MROH1: variants seen among roughly 807,000 people sequenced by gnomAD.
The protein encoded by MROH1 is maestro heat-like repeat-containing protein family member 1.
MROH1 carries 117 observed loss-of-function variants against 116.5 expected under a neutral mutation model. That is an observed-to-expected ratio of 1.00 (90% CI 0.86 to 1.17). The LOEUF (loss-of-function observed/expected upper bound fraction) is 1.17. MROH1 is among the 50% of genes most tolerant of loss of function. The pLI is 0.00. For synonymous variants in MROH1, 921 were observed against 583.9 expected (o/e 1.58, Z -8.32); for missense variants, 1,873 against 1,338.5 (o/e 1.40, Z -6.23).
chr8:144,200,397 T>G, intron 11 of MROH1, 31 bp from the exon 12 acceptor site: 4 of 1,499,202 alleles, frequency 2.7e-6, no homozygotes, highest in Non-Finnish European at 3.6e-6. Flanking sequence ...CAAGATGACA[T>G]GGAGCCTAAT....
chr8:144,217,691 C>T (rs1397457092), intron 12 of MROH1, among the ~76,000 whole-genome samples: 1 of 152,212 alleles, frequency 6.6e-6, no homozygotes, highest in Non-Finnish European at 1.5e-5. Context: ...ACAGCCTCTG[C>T]CTCCCGGCTT....
At position 144,180,421 on chromosome 8, in the gene MROH1, A is replaced by T. The variant is rs746322719; in HGVS notation, c.464-4A>T. 6.8e-5 allele frequency: 110 copies of T among 1,612,672 alleles called. No homozygotes were observed. The highest frequency in any genetic ancestry group is 9.2e-5 in the Non-Finnish European group (109 of 1,179,704). ...GAGGCCTTTGACGGTGTCCTCTCTC[A>T]CAGCGTTCGGCGTAGTCCCCTTCCT... is the stretch of plus-strand genomic sequence containing the variant. On this transcript the variant is annotated splice_region_variant and splice_polypyrimidine_tract_variant and intron_variant, in intron 6 of 43. Transcript: ENST00000326134. The surrounding 1 kb of genome is among the most constrained non-coding windows in gnomAD (Gnocchi z 7.4).
chr8:144,195,425 C>T lies in MROH1; in HGVS notation c.948+3024C>T, dbSNP rs1309071036. 2.0e-5 allele frequency among the ~76,000 whole-genome samples: 3 copies of T among 147,220 alleles called. No individual in the cohort carries two copies. In the East Asian group the frequency reaches 6.3e-4, roughly 31 times the overall value. On this transcript the variant is annotated intron_variant, in intron 10 of 43. Coordinates refer to ENST00000326134, the MANE Select transcript of MROH1 (RefSeq NM_032450.3). ...GCTGAGGCAGGAGAATGGCATGAAC[C>T]CTGGAGGGAGAGCTTGCAGTGAGCT...
At position 144,240,680 on chromosome 8, in the gene MROH1, G is replaced by A. The variant is rs1322820130; in HGVS notation, c.1935+3G>A. ...ACGATGAGGCACCCCAGGAGAAGGTGGGGCACCTGCTGGCGTTCTTGGTGT... is the reference window on the plus strand; with the variant it reads ...ACGATGAGGCACCCCAGGAGAAGGTAGGGCACCTGCTGGCGTTCTTGGTGT... On this transcript the variant is annotated splice_donor_region_variant and intron_variant, in intron 20 of 43. Coordinates refer to ENST00000326134, the MANE Select transcript of MROH1 (RefSeq NM_032450.3). The A allele has an allele frequency of 2.8e-6, 2 of 716,128 alleles. No homozygotes were observed. The highest frequency in any genetic ancestry group is 3.5e-5 in the African/African-American group (2 of 57,350). The allele number at this position is 716,128 out of a possible 1,614,324, so 44.4% of individuals were successfully genotyped here.
At chr8:144,224,412 T>A (rs1409291655) in intron 14 of MROH1, among the ~76,000 whole-genome samples, 1 of 151,930 alleles carries the variant, frequency 6.6e-6, no homozygotes, top group African/African-American at 2.4e-5. Context: ...GACTACAGGC[T>A]CATGCCACCA....
In MROH1 at chr8:144,163,176, T is replaced by G. The variant is rs138916323; in HGVS notation, c.-56-595T>G. On this transcript the variant is annotated intron_variant, in intron 2 of 43. Transcript: ENST00000326134. The surrounding 1 kb of genome is among the most constrained non-coding windows in gnomAD (Gnocchi z 4.4). ...GTGGATGGGAGGTGATCAAGGGAATTAAGGGGCTGGTGGGAGACTCAGAGA... is the reference window on the plus strand; with the variant it reads ...GTGGATGGGAGGTGATCAAGGGAATGAAGGGGCTGGTGGGAGACTCAGAGA... 6.6e-3 allele frequency among the ~76,000 whole-genome samples: 1,002 copies of G among 152,194 alleles called. 7 individuals are homozygous for G. The highest frequency in any genetic ancestry group is 0.023 in the African/African-American group (959 of 41,528).
At chr8:144,257,584 C>T (rs1259154698) in intron 35 of MROH1, among the ~76,000 whole-genome samples, 3 of 152,220 alleles carry the variant, frequency 2.0e-5, no homozygotes, top group Non-Finnish European at 2.9e-5. Flanking sequence ...CCTGTGCCCA[C>T]CACACCCTCC....
At chr8:144,158,691 A>C (rs1259025118) in intron 1 of MROH1, among the ~76,000 whole-genome samples, 3 of 151,748 alleles carry the variant, frequency 2.0e-5, no homozygotes, top group Non-Finnish European at 4.4e-5. Flanking sequence ...GATATATTTA[A>C]TTCCACTGTG....
At chr8:144,164,726 C>A (rs376488623) in intron 3 of MROH1, among the ~76,000 whole-genome samples, 4 of 152,096 alleles carry the variant, frequency 2.6e-5, no homozygotes, top group African/African-American at 7.2e-5. Flanking sequence ...AACATGCTCT[C>A]TCCAGGTTTT....
chr8:144,177,375 G>A (rs1024316203), intron 4 of MROH1, among the ~76,000 whole-genome samples: 2 of 152,250 alleles, frequency 1.3e-5, no homozygotes, highest in African/African-American at 2.4e-5. Flanking sequence ...AAGTGGCTGG[G>A]TGTCAACTTC....
Position 144,168,213 on chromosome 8 carries a change from G to A in MROH1, c.23-82G>A. The A allele has an allele frequency of 4.2e-6, 6 of 1,423,154 alleles. No individual in the cohort carries two copies. The South Asian group carries it at 8.4e-5, about 20-fold the overall frequency. 88.2% of individuals were successfully genotyped at this position (1,423,154 alleles called of 1,614,324 possible). A position where few individuals can be genotyped will look rare whatever the true frequency, so the allele number is the denominator to read the frequency against. ...TGTGATCCTCAGAGGCTGCAGGTGT[G>A]TCCACTGCAGGAGTGGCAGCCGAGG... On this transcript the variant is annotated intron_variant, in intron 3 of 43. Coordinates refer to ENST00000326134, the MANE Select transcript of MROH1 (RefSeq NM_032450.3).
chr8:144,167,468 G>T (rs1455625158), intron 3 of MROH1, among the ~76,000 whole-genome samples: 1 of 130,104 alleles, frequency 7.7e-6, no homozygotes, highest in Admixed American at 7.5e-5. Flanking sequence ...GGAGTGGCCA[G>T]TTGGGGTGGA....
chr8:144,239,819 G>A (rs1422786789), intron 18 of MROH1, 64 bp downstream of exon 18: 1 of 708,666 alleles, frequency 1.4e-6, no homozygotes, highest in Non-Finnish European at 2.6e-6. Flanking sequence ...GAGTAGGAGG[G>A]TGCTAGCTCT....
chr8:144,241,430 C>T lies in MROH1; in HGVS notation c.2091C>T (p.Ser697=). 1 of 778,616 alleles carries T rather than the reference C, an allele frequency of 1.3e-6. No homozygotes were observed. Among genetic ancestry groups the T allele is most frequent in the South Asian group, 1.3e-5 (1 of 74,522 alleles). 48.2% of individuals were successfully genotyped at this position (778,616 alleles called of 1,614,324 possible). ...LACCFGICAI[S]HLEDTLAQLE... ...GCTGCTTCGGGATCTGTGCCATCTC[C>T]CACCTCGAGGACACGCTGGCCCAGC... The change falls in exon 22 of 44, where the codon TCC becomes TCT. Residue 697 remains serine (S), a synonymous_variant. Coordinates refer to ENST00000326134, the MANE Select transcript of MROH1 (RefSeq NM_032450.3).
chr8:144,209,589 AAAG>A (rs1294027958), intron 12 of MROH1, among the ~76,000 whole-genome samples: 2,200 of 150,602 alleles, frequency 0.015, 48 homozygotes, highest in African/African-American at 0.049. Flanking sequence ...AAAAAAAAAA[AAAG>A]AAAAAAGAAA....
rs1181062833 is a variant in MROH1 at position 144,223,205 on chromosome 8, A to G, written c.1313A>G (p.Gln438Arg). The G allele has an allele frequency of 1.2e-6, 2 of 1,609,104 alleles. No individual in the cohort carries two copies. The highest frequency in any genetic ancestry group is 3.4e-5 in the Admixed American group (2 of 59,168). Residue 438 changes from glutamine (Q) to arginine (R), a missense_variant, in exon 14 of 44, where the codon CAG (glutamine) becomes CGG (arginine). Coordinates refer to ENST00000326134, the MANE Select transcript of MROH1 (RefSeq NM_032450.3). The part of the protein sequence containing the change: ...GEAMIEYIVQ[Q>R]CALPPEQEPE... ...GCGATGATCGAGTACATCGTGCAGC[A>G]GTGCGCGCTGCCCCCCGAGCAGGAG...
At chr8:144,224,279 A>C (rs2132461236) in intron 14 of MROH1, among the ~76,000 whole-genome samples, 1 of 152,232 alleles carries the variant, frequency 6.6e-6, no homozygotes, top group South Asian at 2.1e-4. Flanking sequence ...AATAATTATT[A>C]TTATTTTTGA....
rs141594386 is a variant in MROH1, at chr8:144,160,421, C to T, written c.-176-549C>T. On this transcript the variant is annotated intron_variant, in intron 1 of 43. Coordinates refer to ENST00000326134, the MANE Select transcript of MROH1 (RefSeq NM_032450.3). The stretch of plus-strand genomic sequence containing the variant: ...TCCTAATCCCTTTGTGTGGCTCTTT[C>T]TGCAGCTTTGGACAGTTTGTTCTCC... Among the ~76,000 whole-genome samples the T allele has an allele frequency of 2.4e-3, 361 of 152,332 alleles. 1 individual carries two copies. Among genetic ancestry groups the T allele is most frequent in the African/African-American group, 8.2e-3 (339 of 41,566 alleles).
At position 144,239,152 on chromosome 8, in the gene MROH1, G is replaced by A. The variant is rs1461601195; in HGVS notation, c.1564G>A (p.Ala522Thr). ...GAAGAGGCAGGAGGCCGGGGCCGAC[G>A]CCTTCCTCATCCAGTACGACGCCCA... is the stretch of plus-strand genomic sequence containing the variant. ...AQKRQEAGAD[A>T]FLIQYDAHAS... is the part of the protein sequence containing the mutation. The change falls in exon 16 of 44, where the codon GCC (alanine) becomes ACC (threonine). Residue 522 changes from alanine (A) to threonine (T), a missense_variant. Coordinates refer to ENST00000326134, the MANE Select transcript of MROH1 (RefSeq NM_032450.3). 5.2e-6 allele frequency: 4 copies of A among 767,300 alleles called. No individual in the cohort carries two copies. Among genetic ancestry groups the A allele is most frequent in the East Asian group, 2.4e-5 (1 of 41,102 alleles). 47.5% of individuals were successfully genotyped at this position (767,300 alleles called of 1,614,324 possible).
Sources: gnomAD v4.1 joint callset for allele counts (sites outside exome capture counted in the v4.1 genomes callset) on GRCh38, gnomAD v4.1.1 for gene constraint, Gnocchi (gnomAD v3.1) non-coding constraint, MANE v1.5 for transcripts, NCBI Gene and HGNC (gene_info 2026-07-23, HGNC 2026-07-21) for gene names.